The following ANO4 variants were observed in gnomAD, a reference collection of about 807,000 sequenced individuals.
The protein encoded by ANO4 is anoctamin-4.
ANO4 carries 69 observed loss-of-function variants against 141.9 expected under a neutral mutation model. That is an observed-to-expected ratio of 0.49 (90% CI 0.40 to 0.59). ANO4 has a LOEUF of 0.59. Ranked by LOEUF, ANO4 falls within the 20% of genes least tolerant of loss-of-function variation. The probability of loss-of-function intolerance (pLI) is 0.00; values close to 1 mark genes in which losing one functional copy is unlikely to be tolerated. For missense variants in ANO4, 894 were observed against 1,162.2 expected (o/e 0.77, Z 3.36); for synonymous variants, 350 against 394.3 (o/e 0.89, Z 1.33).
chr12:101,101,815 G>A (rs1055920105), intron 22 of ANO4, among the ~76,000 whole-genome samples: 9 of 152,126 alleles, frequency 5.9e-5, no homozygotes, highest in African/African-American at 1.9e-4. Context: ...AGGCGTGGTG[G>A]CTCACACCTG....
intron 1 of ANO4, among the ~76,000 whole-genome samples, chr12:100,861,013 A>G (rs2038442486): frequency 6.6e-6 from 1 of 152,190 alleles, no homozygotes; most frequent in Non-Finnish European, 1.5e-5. Flanking sequence ...GAAAGAACAA[A>G]GCTTCCACAG....
At chr12:100,814,949 A>G (rs562654444) in intron 1 of ANO4, among the ~76,000 whole-genome samples, 1 of 152,180 alleles carries the variant, frequency 6.6e-6, no homozygotes, top group Non-Finnish European at 1.5e-5. Context: ...AGATGGCCGC[A>G]AGTTGGTGGG....
intron 1 of ANO4, among the ~76,000 whole-genome samples, chr12:100,875,723 A>C (rs1358633801): frequency 9.9e-5 from 15 of 152,180 alleles, no homozygotes; most frequent in Non-Finnish European, 2.9e-5. Context: ...GGATTTGCTG[A>C]TGGACTGAAT....
chr12:100,718,829 T>C (rs895061170), intron 1 of ANO4, among the ~76,000 whole-genome samples: 2 of 152,252 alleles, frequency 1.3e-5, no homozygotes, highest in African/African-American at 4.8e-5. Flanking sequence ...CATCTGGGGA[T>C]AATTCAATAT....
chr12:101,020,514 G>C (rs1246709977), intron 9 of ANO4, among the ~76,000 whole-genome samples: 1 of 152,210 alleles, frequency 6.6e-6, no homozygotes, highest in Non-Finnish European at 1.5e-5. Flanking sequence ...TAAACTGGAT[G>C]ATGATACAGA....
chr12:100,739,414 C>A (rs971913429), intron 2 of ANO4, among the ~76,000 whole-genome samples: 1 of 152,014 alleles, frequency 6.6e-6, no homozygotes, highest in African/African-American at 2.4e-5. Context: ...ATTTTGGAGT[C>A]AAATCTGTGC....
intron 13 of ANO4, among the ~76,000 whole-genome samples, chr12:101,046,812 G>A (rs183381600): frequency 6.6e-6 from 1 of 152,202 alleles, no homozygotes; most frequent in African/African-American, 2.4e-5. Flanking sequence ...TTTGAGCCAT[G>A]TGTCCCTTGG....
intron 1 of ANO4, among the ~76,000 whole-genome samples, chr12:100,869,601 A>G (rs1380576571): frequency 1.3e-5 from 2 of 152,180 alleles, no homozygotes; most frequent in African/African-American, 2.4e-5. Flanking sequence ...CAGCTCTGCA[A>G]CTTTTGTTAG....
intron 3 of ANO4, among the ~76,000 whole-genome samples, chr12:100,763,790 T>C (rs1033693494): frequency 1.3e-5 from 2 of 152,254 alleles, no homozygotes; most frequent in African/African-American, 2.4e-5. Context: ...TCCTTCTTTA[T>C]TGAGGACATG....
intron 9 of ANO4, among the ~76,000 whole-genome samples, chr12:101,031,461 C>G (rs537864515): frequency 6.6e-6 from 1 of 152,122 alleles, no homozygotes; most frequent in East Asian, 1.9e-4. Context: ...TATGACAAAC[C>G]CACAGCCAAT....
intron 1 of ANO4, among the ~76,000 whole-genome samples, chr12:100,844,007 A>G (rs2037422411): frequency 6.6e-6 from 1 of 152,134 alleles, no homozygotes; most frequent in Non-Finnish European, 1.5e-5. Flanking sequence ...TCATTCATTC[A>G]TTCATTCATT....
At chr12:100,799,152 C>G (rs113499045) in intron 1 of ANO4, among the ~76,000 whole-genome samples, 22 of 152,242 alleles carry the variant, frequency 1.4e-4, no homozygotes, top group African/African-American at 4.8e-4. Context: ...AAGCTTGGAC[C>G]AGATAATCCC....
At chr12:100,749,316 A>G (rs1230720706) in intron 3 of ANO4, among the ~76,000 whole-genome samples, 2 of 152,218 alleles carry the variant, frequency 1.3e-5, no homozygotes, top group Non-Finnish European at 2.9e-5. Context: ...TTTAACCTCC[A>G]TGTATACTAC....
At chr12:100,750,890 G>T (rs1035075644) in intron 3 of ANO4, among the ~76,000 whole-genome samples, 2 of 152,160 alleles carry the variant, frequency 1.3e-5, no homozygotes, top group Admixed American at 1.3e-4. Context: ...CCAGAGATGT[G>T]CATGCAAGAA....
chr12:101,118,326 T>C (rs556375521), intron 25 of ANO4, among the ~76,000 whole-genome samples: 1 of 152,322 alleles, frequency 6.6e-6, no homozygotes, highest in African/African-American at 2.4e-5. Context: ...CTGTCTCACA[T>C]AGTATCATAA....
intron 1 of ANO4, among the ~76,000 whole-genome samples, chr12:100,832,815 C>A (rs2036698363): frequency 6.6e-6 from 1 of 152,036 alleles, no homozygotes; most frequent in African/African-American, 2.4e-5. Context: ...CTTAAAGATA[C>A]CATCTTAAAT....
chr12:100,869,172 G>A (rs1325598853), intron 1 of ANO4, among the ~76,000 whole-genome samples: 1 of 152,206 alleles, frequency 6.6e-6, no homozygotes, highest in Non-Finnish European at 1.5e-5. Context: ...ATGAGATCAA[G>A]CCTTATGTTT....
At chr12:100,829,019 TA>T (rs34068673) in intron 1 of ANO4, among the ~76,000 whole-genome samples, 41,774 of 146,772 alleles carry the variant, frequency 0.28, 6,334 homozygotes, top group Middle Eastern at 0.44. Flanking sequence ...GACTCTGTCT[TA>T]AAAAAAAAAA....
intron 1 of ANO4, among the ~76,000 whole-genome samples, chr12:100,857,712 T>C (rs1795272477): frequency 6.6e-6 from 1 of 152,162 alleles, no homozygotes; most frequent in South Asian, 2.1e-4. Context: ...CCGCTGTGTT[T>C]GAGGAGTGGC....
Sources: gnomAD v4.1 joint callset for allele counts (sites outside exome capture counted in the v4.1 genomes callset) on GRCh38, gnomAD v4.1.1 for gene constraint, MANE v1.5 for transcripts, NCBI Gene and HGNC (gene_info 2026-07-23, HGNC 2026-07-21) for gene names.